The following THNSL1 variants were observed in gnomAD, a reference collection of about 807,000 sequenced individuals.
The protein encoded by THNSL1 is threonine synthase-like 1.
Under a neutral mutation model 50.4 loss-of-function variants are expected in THNSL1, and 48 were observed. The ratio of observed to expected loss-of-function variants is 0.95; its 90% CI spans 0.76 to 1.21. The LOEUF (loss-of-function observed/expected upper bound fraction) is 1.21, where lower values mean the gene tolerates loss of function less well. Among genes scored for constraint, THNSL1 ranks in the 50% most tolerant of loss-of-function variants. The pLI is 0.00. For synonymous variants in THNSL1, 309 were observed against 306.1 expected, an observed-to-expected ratio of 1.01 and a Z score of -0.10; for missense variants, 896 against 871.7, an observed-to-expected ratio of 1.03 and a Z score of -0.35.
chr10:24,984,299 G>A, the THNSL1 span: 2 of 1,528,346 alleles, frequency 1.3e-6, no homozygotes, highest in African/African-American at 1.4e-5. Context: ...ACAGTTTAGA[G>A]TAGCAAGAAG....
the THNSL1 span, among the ~76,000 whole-genome samples, chr10:24,966,135 A>G: frequency 6.6e-6 from 1 of 152,282 alleles, no homozygotes; most frequent in Non-Finnish European, 1.5e-5. Context: ...CTCCTGAAGA[A>G]TAAGTGTGAA....
upstream of THNSL1, among the ~76,000 whole-genome samples, chr10:25,012,826 GAA>G (rs1850481213): frequency 6.6e-6 from 1 of 152,190 alleles, no homozygotes; most frequent in South Asian, 2.1e-4. Context: ...GGACTGTTGG[GAA>G]GGTATGATTG....
chr10:25,005,071 G>A, the THNSL1 span, among the ~76,000 whole-genome samples: 1 of 152,080 alleles, frequency 6.6e-6, no homozygotes, highest in Non-Finnish European at 1.5e-5. Context: ...ATACTTGTAA[G>A]TGGGCAGTCT....
the THNSL1 span, chr10:24,953,398 G>C: frequency 6.6e-6 from 1 of 152,568 alleles, no homozygotes; most frequent in African/African-American, 2.4e-5. Context: ...CAGGGGAGGA[G>C]GGGGAGAGAT....
At chr10:25,004,145 T>C in the THNSL1 span, among the ~76,000 whole-genome samples, 7 of 152,354 alleles carry the variant, frequency 4.6e-5, no homozygotes, top group East Asian at 1.2e-3. Flanking sequence ...CCATGGTGTA[T>C]ATGTATCACC....
upstream of THNSL1, chr10:25,015,831 C>A: frequency 6.4e-7 from 1 of 1,569,500 alleles, no homozygotes. Flanking sequence ...ATTCTTGTTT[C>A]AAGTGATAGT....
the THNSL1 span, among the ~76,000 whole-genome samples, chr10:24,995,014 A>G: frequency 9.2e-5 from 14 of 152,090 alleles, no homozygotes; most frequent in Non-Finnish European, 1.9e-4. Flanking sequence ...GCATGAGAAT[A>G]TGTCTCAAAA....
Position 25,024,339 on chromosome 10 carries a change from T to C in THNSL1, c.1116T>C (p.Tyr372=), listed in dbSNP as rs918580157. ...ACTGTATCCCACCAAGTTGCAATTA[T>C]ATGATACTTGTAGCTACTTCAGGAG... is the stretch of plus-strand genomic sequence containing the variant. ...FAHCIPPSCN[Y]MILVATSGDT... is the part of the protein sequence containing the mutation. The change falls in exon 3 of 3, where the codon TAT becomes TAC. Residue 372 remains tyrosine (Y), a synonymous_variant. Transcript: ENST00000376356. The C allele has an allele frequency of 6.8e-6, 11 of 1,614,088 alleles. No individual in the cohort carries two copies. In the African/African-American group the frequency reaches 1.3e-4, roughly 20 times the overall value.
chr10:24,963,585 C>G, the THNSL1 span, among the ~76,000 whole-genome samples: 2,930 of 152,278 alleles, frequency 0.019, 38 homozygotes, highest in Middle Eastern at 0.027. Context: ...TTTTCTTATT[C>G]TTAGAGACAT....
upstream of THNSL1, chr10:25,016,307 G>T: frequency 2.4e-6 from 1 of 419,582 alleles, no homozygotes; most frequent in Non-Finnish European, 3.3e-6. Flanking sequence ...GAAAGTTAAC[G>T]GGGTGAAAAT....
the THNSL1 span, among the ~76,000 whole-genome samples, chr10:24,991,579 G>C: frequency 6.6e-6 from 1 of 152,296 alleles, no homozygotes; most frequent in East Asian, 1.9e-4. Flanking sequence ...AGTTTGGCCG[G>C]GGTGGTGGGA....
chr10:24,995,328 T>C, the THNSL1 span, among the ~76,000 whole-genome samples: 2 of 152,220 alleles, frequency 1.3e-5, no homozygotes, highest in Non-Finnish European at 2.9e-5. Context: ...CAGTAATGAC[T>C]GCTTTTAGTG....
chr10:25,025,606 A>C lies in THNSL1; in HGVS notation c.*151A>C, dbSNP rs1209855696. On this transcript the variant is annotated 3_prime_UTR_variant, in exon 3 of 3. Transcript: ENST00000376356. ...AAGTCTGATCTCTAGGGCTGACATG[A>C]GAACTCCATGTCACCTCCTCAGATC... 4.1e-6 allele frequency: 3 copies of C among 728,162 alleles called. No homozygotes were observed. Among genetic ancestry groups the C allele is most frequent in the Non-Finnish European group, 6.7e-6 (3 of 444,666 alleles). The allele number at this position is 728,162 out of a possible 1,614,324, so 45.1% of individuals were successfully genotyped here.
At chr10:25,018,637 T>C (rs1588670794) in intron 1 of THNSL1, among the ~76,000 whole-genome samples, 1 of 150,898 alleles carries the variant, frequency 6.6e-6, no homozygotes, top group Non-Finnish European at 1.5e-5. Flanking sequence ...ATGCCTGTGA[T>C]GTACATAAAC....
chr10:25,026,643 AATTAAAG>A lies in THNSL1; in HGVS notation c.*1192_*1198del, dbSNP rs1372792991. On this transcript the variant is annotated 3_prime_UTR_variant, in exon 3 of 3. Coordinates refer to ENST00000376356, the MANE Select transcript of THNSL1 (RefSeq NM_024838.5). ...GAATTTACTGGATGTTTTCTTTCTG[AATTAAAG>A]ATTGTCAAGACCAATTAGTGTAATG... 1 of 161,990 alleles carries A rather than the reference AATTAAAG, an allele frequency of 6.2e-6. No individual in the cohort carries two copies. Among genetic ancestry groups the A allele is most frequent in the Non-Finnish European group, 1.5e-5 (1 of 68,094 alleles). 10.0% of individuals were successfully genotyped at this position (161,990 alleles called of 1,614,324 possible). A position where few individuals can be genotyped will look rare whatever the true frequency, so the allele number is the denominator to read the frequency against.
chr10:24,967,854 C>T, the THNSL1 span, among the ~76,000 whole-genome samples: 5 of 149,214 alleles, frequency 3.4e-5, no homozygotes, highest in Non-Finnish European at 7.4e-5. Flanking sequence ...ATGATGTGTG[C>T]GTATGATGTA....
chr10:25,013,070 C>G (rs1850486927), upstream of THNSL1, among the ~76,000 whole-genome samples: 1 of 152,086 alleles, frequency 6.6e-6, no homozygotes, highest in Non-Finnish European at 1.5e-5. Context: ...GGGGAGTTCC[C>G]CTGCACACAC....
chr10:24,995,846 G>T, the THNSL1 span: 2 of 1,608,786 alleles, frequency 1.2e-6, no homozygotes, highest in Non-Finnish European at 8.5e-7. Flanking sequence ...GGCTTTTTGG[G>T]CACGTTCCGA....
chr10:25,001,965 CTCT>C, the THNSL1 span, among the ~76,000 whole-genome samples: 1 of 152,010 alleles, frequency 6.6e-6, no homozygotes, highest in Middle Eastern at 3.2e-3. Context: ...CTGAATTTTT[CTCT>C]TCTTTTTCTC....
Sources: allele counts gnomAD v4.1 joint callset (sites outside exome capture counted in the v4.1 genomes callset), GRCh38; gene constraint gnomAD v4.1.1; transcripts MANE v1.5; gene names NCBI Gene and HGNC (gene_info 2026-07-23, HGNC 2026-07-21).